Variants in SGCZ observed in about 807,000 individuals in gnomAD.
SGCZ encodes sarcoglycan zeta.
Under a neutral mutation model 41.3 loss-of-function variants are expected in SGCZ, and 40 were observed. That is an observed-to-expected ratio of 0.97 (90% CI 0.75 to 1.26). The LOEUF is 1.26. SGCZ is among the 50% of genes most tolerant of loss of function. SGCZ has a pLI of 0.00. For synonymous variants in SGCZ, 206 were observed against 137.5 expected (o/e 1.50, Z -3.49); for missense variants, 552 against 369.8 (o/e 1.49, Z -4.04).
At chr8:14,469,837 G>T (rs1801163813) in intron 2 of SGCZ, among the ~76,000 whole-genome samples, 1 of 152,100 alleles carries the variant, frequency 6.6e-6, no homozygotes, top group African/African-American at 2.4e-5. Context: ...AACACATGGA[G>T]GTTCCTAGAG....
At chr8:14,188,676 A>C (rs1157430936) in intron 4 of SGCZ, among the ~76,000 whole-genome samples, 1 of 152,198 alleles carries the variant, frequency 6.6e-6, no homozygotes, top group Non-Finnish European at 1.5e-5. Flanking sequence ...ATTTAAATGG[A>C]TGAATTGTAT....
chr8:14,219,851 A>AATTGC lies in SGCZ; in HGVS notation c.424+17740_424+17741insGCAAT, dbSNP rs1554481092. Among the ~76,000 whole-genome samples, 9 of 151,818 alleles carry AATTGC rather than the reference A, an allele frequency of 5.9e-5. No homozygotes were observed. In the East Asian group the frequency reaches 1.7e-3, roughly 30 times the overall value. On this transcript the variant is annotated intron_variant, in intron 4 of 7. Coordinates refer to ENST00000382080, the MANE Select transcript of SGCZ (RefSeq NM_139167.4). Reference sequence around the variant, plus strand: ...CTACCACTTCTTCAAGCACCTCGAAAATTTCTTGTAGGGAAAACGTTTCTA... The same window carrying AATTGC: ...CTACCACTTCTTCAAGCACCTCGAAAATTGCATTTCTTGTAGGGAAAACGTTTCTA...
intron 1 of SGCZ, among the ~76,000 whole-genome samples, chr8:14,604,593 T>C (rs567944148): frequency 1.3e-5 from 2 of 152,278 alleles, no homozygotes; most frequent in Admixed American, 6.5e-5. Context: ...ATAATTGCCC[T>C]ATAAAAGGAT....
In SGCZ at chr8:14,541,625, A is replaced by G. The variant is rs1295462063; in HGVS notation, c.234+13107T>C. The stretch of plus-strand genomic sequence containing the variant: ...ATGTGTCTTTATAGTAGAATAATAC[A>G]TAATCCTTTGGGTATATGCCCAATA... On this transcript the variant is annotated intron_variant, in intron 2 of 7. Transcript: ENST00000382080. Among the ~76,000 whole-genome samples, 5 of 152,286 alleles carry G rather than the reference A, an allele frequency of 3.3e-5. 1 individual carries two copies. Among genetic ancestry groups the G allele is most frequent in the Admixed American group, 2.6e-4 (4 of 15,280 alleles).
At chr8:14,409,796 A>G (rs1258319925) in intron 2 of SGCZ, among the ~76,000 whole-genome samples, 1 of 152,210 alleles carries the variant, frequency 6.6e-6, no homozygotes, top group Non-Finnish European at 1.5e-5. Flanking sequence ...AAAGTAGATT[A>G]CCAGTTTGAA....
intron 1 of SGCZ, among the ~76,000 whole-genome samples, chr8:14,927,859 C>A (rs1028478596): frequency 6.6e-6 from 1 of 152,140 alleles, no homozygotes; most frequent in African/African-American, 2.4e-5. Context: ...CAAGATTTCC[C>A]TACCCATAAC....
chr8:15,026,861 A>G (rs4348491), intron 1 of SGCZ, among the ~76,000 whole-genome samples: 79,139 of 152,060 alleles, frequency 0.52, 21,482 homozygotes, highest in Non-Finnish European at 0.6. Flanking sequence ...TTTTGAGGAG[A>G]CAGATGAGGT....
chr8:14,467,527 T>C (rs1040689442), intron 2 of SGCZ, among the ~76,000 whole-genome samples: 2 of 152,078 alleles, frequency 1.3e-5, no homozygotes, highest in Non-Finnish European at 2.9e-5. Context: ...TGTCATGTGT[T>C]GAGGGCTCTG....
rs1312824153 is a variant in SGCZ, at chr8:14,870,030, TC to T, written c.40-315105del. ...AAAGTAATTTATAGATTCACTGCTA[TC>T]CCCATCAAGCTACCATTGACTTTCT... On this transcript the variant is annotated intron_variant, in intron 1 of 7. Coordinates refer to ENST00000382080, the MANE Select transcript of SGCZ (RefSeq NM_139167.4). Among the ~76,000 whole-genome samples, 7 of 152,198 alleles carry T rather than the reference TC, an allele frequency of 4.6e-5. No individual in the cohort carries two copies. In the East Asian group the frequency reaches 1.4e-3, roughly 29 times the overall value.
At chr8:14,608,722 C>A (rs1160148809) in intron 1 of SGCZ, among the ~76,000 whole-genome samples, 23 of 151,978 alleles carry the variant, frequency 1.5e-4, no homozygotes, top group Admixed American at 1.5e-3. Context: ...GGGGATCCAC[C>A]CCCACGGCCC....
chr8:14,509,771 C>G (rs1338568487), intron 2 of SGCZ, among the ~76,000 whole-genome samples: 1 of 152,038 alleles, frequency 6.6e-6, no homozygotes, highest in Non-Finnish European at 1.5e-5. Flanking sequence ...ACTTGGGAGG[C>G]CTCGGGAGAC....
intron 1 of SGCZ, among the ~76,000 whole-genome samples, chr8:14,587,396 G>A (rs898371803): frequency 5.3e-5 from 8 of 151,924 alleles, no homozygotes; most frequent in African/African-American, 1.2e-4. Flanking sequence ...AAAAGTTTGG[G>A]TGTTGTGGCT....
At chr8:14,185,518 G>C (rs1202935366) in intron 4 of SGCZ, among the ~76,000 whole-genome samples, 1 of 151,814 alleles carries the variant, frequency 6.6e-6, no homozygotes, top group Non-Finnish European at 1.5e-5. Context: ...TCAAAATTCA[G>C]TGGCTTCAGA....
intron 2 of SGCZ, among the ~76,000 whole-genome samples, chr8:14,382,801 A>G (rs2042859633): frequency 6.6e-6 from 1 of 152,216 alleles, no homozygotes; most frequent in Non-Finnish European, 1.5e-5. Flanking sequence ...TTTGAAAAAC[A>G]CAGGAGTAAC....
At chr8:15,061,764 A>G (rs539856361) in intron 1 of SGCZ, among the ~76,000 whole-genome samples, 1 of 152,160 alleles carries the variant, frequency 6.6e-6, no homozygotes, top group South Asian at 2.1e-4. Flanking sequence ...CATTCTCCAA[A>G]AGTGAGACAG....
intron 1 of SGCZ, among the ~76,000 whole-genome samples, chr8:15,028,022 A>G (rs370761980): frequency 6.6e-6 from 1 of 152,096 alleles, no homozygotes; most frequent in South Asian, 2.1e-4. Context: ...TAGTAAGTAA[A>G]TGGTAGAGTC....
At chr8:14,497,586 G>T (rs987489145) in intron 2 of SGCZ, among the ~76,000 whole-genome samples, 1 of 152,034 alleles carries the variant, frequency 6.6e-6, no homozygotes, top group Admixed American at 6.6e-5. Context: ...GTCTGTGTGT[G>T]TGTGTGTGAG....
At chr8:14,582,593 C>T (rs1804927485) in intron 1 of SGCZ, among the ~76,000 whole-genome samples, 1 of 149,344 alleles carries the variant, frequency 6.7e-6, no homozygotes, top group African/African-American at 2.5e-5. Context: ...ATGTGCCATG[C>T]TGGTGTGCTG....
chr8:14,251,423 C>T (rs1281658817), intron 3 of SGCZ, among the ~76,000 whole-genome samples: 2 of 152,136 alleles, frequency 1.3e-5, no homozygotes, highest in African/African-American at 4.8e-5. Context: ...TATGCAGTCT[C>T]TGTCAAAACC....
Sources: allele counts gnomAD v4.1 joint callset (sites outside exome capture counted in the v4.1 genomes callset), GRCh38; gene constraint gnomAD v4.1.1; transcripts MANE v1.5; gene names NCBI Gene and HGNC (gene_info 2026-07-23, HGNC 2026-07-21).